CSMD1: variants seen among roughly 807,000 people sequenced by gnomAD.
The protein encoded by CSMD1 is CUB and sushi domain-containing protein 1.
A neutral mutation model predicts 417.5 loss-of-function variants in CSMD1; 213 were observed. The observed-to-expected ratio is 0.51, with a 90% CI of 0.46 to 0.57. The LOEUF (loss-of-function observed/expected upper bound fraction) is 0.57. Among genes scored for constraint, CSMD1 ranks in the 20% least tolerant of loss-of-function variants. CSMD1 has a pLI of 0.00. For missense variants in CSMD1, 6,923 were observed against 4,529.7 expected (o/e 1.53, Z -15.17); for synonymous variants, 2,862 against 1,736.8 (o/e 1.65, Z -16.11).
At chr8:4,044,209 C>A (rs187104961) in intron 3 of CSMD1, among the ~76,000 whole-genome samples, 1 of 152,134 alleles carries the variant, frequency 6.6e-6, no homozygotes, top group Middle Eastern at 3.2e-3. Flanking sequence ...TGCACAATAA[C>A]TGCTGTTTCA....
intron 7 of CSMD1, among the ~76,000 whole-genome samples, chr8:3,686,415 C>T (rs1218773736): frequency 2.0e-5 from 3 of 152,124 alleles, no homozygotes; most frequent in African/African-American, 7.2e-5. Context: ...TGCGTGACTT[C>T]TCTATTTGCT....
At chr8:3,731,622 G>A (rs1453406201) in intron 6 of CSMD1, among the ~76,000 whole-genome samples, 4 of 152,146 alleles carry the variant, frequency 2.6e-5, no homozygotes, top group Non-Finnish European at 5.9e-5. Flanking sequence ...GGCTAAAATG[G>A]AAAGGATGCA....
chr8:4,753,791 C>G (rs959263502), intron 1 of CSMD1, among the ~76,000 whole-genome samples: 3 of 152,192 alleles, frequency 2.0e-5, no homozygotes, highest in Non-Finnish European at 4.4e-5. Context: ...CCACCACTGC[C>G]TCCTCCTTTA....
chr8:3,311,493 G>T (rs1281277029), intron 23 of CSMD1, among the ~76,000 whole-genome samples: 1 of 146,788 alleles, frequency 6.8e-6, no homozygotes, highest in Non-Finnish European at 1.5e-5. Flanking sequence ...CAAGTGATTT[G>T]CTTGCCTCGG....
intron 40 of CSMD1, among the ~76,000 whole-genome samples, chr8:3,147,135 A>C (rs1205136416): frequency 1.3e-5 from 2 of 152,216 alleles, no homozygotes; most frequent in African/African-American, 4.8e-5. Context: ...TCAAGGAAAC[A>C]GATATGTATG....
chr8:3,309,750 C>A (rs1805182208), intron 23 of CSMD1, among the ~76,000 whole-genome samples: 1 of 152,160 alleles, frequency 6.6e-6, no homozygotes, highest in African/African-American at 2.4e-5. Context: ...CTGCTACATC[C>A]TCCTGTCAAT....
chr8:4,960,600 C>G (rs1025957486), intron 1 of CSMD1, among the ~76,000 whole-genome samples: 1 of 152,174 alleles, frequency 6.6e-6, no homozygotes, highest in Non-Finnish European at 1.5e-5. Context: ...AATGCCAGTG[C>G]ATACATACAG....
chr8:4,852,159 C>A (rs1393795653), intron 1 of CSMD1, among the ~76,000 whole-genome samples: 1 of 152,166 alleles, frequency 6.6e-6, no homozygotes, highest in Non-Finnish European at 1.5e-5. Flanking sequence ...TTACTCTAAT[C>A]TATTTTTGCC....
intron 5 of CSMD1, among the ~76,000 whole-genome samples, chr8:3,885,605 T>C (rs969522312): frequency 3.3e-5 from 5 of 152,190 alleles, no homozygotes; most frequent in African/African-American, 1.2e-4. Context: ...GAATCGGCTA[T>C]GATGAGCGTC....
chr8:3,560,513 C>T (rs562714444), intron 10 of CSMD1, among the ~76,000 whole-genome samples: 2 of 152,072 alleles, frequency 1.3e-5, no homozygotes, highest in East Asian at 3.9e-4. Context: ...GAAACCTAGA[C>T]CTTGAAAGCA....
At position 4,351,275 on chromosome 8, in the gene CSMD1, C is replaced by T. The variant is rs187163030; in HGVS notation, c.415+68678G>A. Among the ~76,000 whole-genome samples the T allele has an allele frequency of 7.1e-4, 108 of 152,282 alleles. 1 individual carries two copies. Among genetic ancestry groups the T allele is most frequent in the South Asian group, 1.7e-3 (8 of 4,832 alleles). On this transcript the variant is annotated intron_variant, in intron 3 of 69. Transcript: ENST00000635120. Reference sequence around the variant, plus strand: ...TCTTTCTAAGAAGTAAACATTAGAACGTATCTTTCCTAACAAGAGATTTTT... The same window carrying T: ...TCTTTCTAAGAAGTAAACATTAGAATGTATCTTTCCTAACAAGAGATTTTT...
rs932988151 is a variant in CSMD1, at chr8:4,178,177, C to G, written c.416-146078G>C. 9.2e-5 allele frequency among the ~76,000 whole-genome samples: 14 copies of G among 152,124 alleles called. 1 individual carries two copies. The highest frequency in any genetic ancestry group is 2.7e-4 in the African/African-American group (11 of 41,418). The stretch of plus-strand genomic sequence containing the variant: ...CTTGATGCAGATTGATGCAGAAACC[C>G]TCAATACGATACTGGCAGACCGAAT... On this transcript the variant is annotated intron_variant, in intron 3 of 69. Coordinates refer to ENST00000635120, the MANE Select transcript of CSMD1 (RefSeq NM_033225.6).
At chr8:4,786,349 C>T (rs989612584) in intron 1 of CSMD1, among the ~76,000 whole-genome samples, 1 of 152,188 alleles carries the variant, frequency 6.6e-6, no homozygotes, top group Non-Finnish European at 1.5e-5. Context: ...TAATATTTTA[C>T]AGCAGTTGAG....
At chr8:4,047,404 C>T (rs754825257) in intron 3 of CSMD1, among the ~76,000 whole-genome samples, 8 of 152,094 alleles carry the variant, frequency 5.3e-5, no homozygotes, top group Non-Finnish European at 8.8e-5. Flanking sequence ...GGAAATATTG[C>T]GGAAAAAATA....
intron 3 of CSMD1, among the ~76,000 whole-genome samples, chr8:4,374,752 G>C (rs922682089): frequency 1.2e-4 from 19 of 152,270 alleles, no homozygotes; most frequent in African/African-American, 4.6e-4. Flanking sequence ...AGACGTCCAA[G>C]TGGTTCTTGT....
chr8:4,136,094 G>A (rs1191053444), intron 3 of CSMD1, among the ~76,000 whole-genome samples: 2 of 152,100 alleles, frequency 1.3e-5, no homozygotes, highest in South Asian at 4.1e-4. Flanking sequence ...TCAGCAAAAG[G>A]ACTTCCTTTG....
intron 3 of CSMD1, among the ~76,000 whole-genome samples, chr8:4,196,050 A>G (rs898649764): frequency 6.6e-6 from 1 of 151,956 alleles, no homozygotes. Context: ...TCTCTACTGA[A>G]AATACAAAAA....
intron 10 of CSMD1, among the ~76,000 whole-genome samples, chr8:3,519,952 G>A (rs1797433223): frequency 6.6e-6 from 1 of 151,310 alleles, no homozygotes; most frequent in African/African-American, 2.4e-5. Flanking sequence ...TAATTTCGCT[G>A]AAAGTCAGGC....
chr8:4,225,129 G>T (rs1801271153), intron 3 of CSMD1, among the ~76,000 whole-genome samples: 1 of 151,996 alleles, frequency 6.6e-6, no homozygotes, highest in African/African-American at 2.4e-5. Flanking sequence ...GAAAAATCCT[G>T]AAATTCATTT....
Sources: gnomAD v4.1 joint callset for allele counts (sites outside exome capture counted in the v4.1 genomes callset) on GRCh38, gnomAD v4.1.1 for gene constraint, MANE v1.5 for transcripts, NCBI Gene and HGNC (gene_info 2026-07-23, HGNC 2026-07-21) for gene names.